The following C3orf20 variants were observed in gnomAD, a reference collection of about 807,000 sequenced individuals.
C3orf20 encodes the protein family with sequence similarity 149 member C, also known as uncharacterized protein C3orf20.
A neutral mutation model predicts 88.3 loss-of-function variants in C3orf20; 76 were observed. The observed-to-expected ratio is 0.86, with a 90% CI of 0.72 to 1.04. C3orf20 has a LOEUF of 1.04. C3orf20 is among the 50% of genes least tolerant of loss of function. C3orf20 has a pLI of 0.00. For missense variants in C3orf20, 1,056 were observed against 1,123.3 expected (o/e 0.94, Z 0.86); for synonymous variants, 436 against 437.4 (o/e 1.00, Z 0.04).
At chr3:14,715,618 T>G (rs564396989) in intron 9 of C3orf20, among the ~76,000 whole-genome samples, 3 of 152,386 alleles carry the variant, frequency 2.0e-5, no homozygotes, top group Admixed American at 2.0e-4. Flanking sequence ...TTCACCAGCC[T>G]AAACTATTGG....
chr3:14,759,810 C>G, intron 13 of C3orf20, 81 bp from the exon 14 acceptor site: 2 of 1,203,848 alleles, frequency 1.7e-6, no homozygotes, highest in Non-Finnish European at 2.4e-6. Context: ...CAGGGGGAAC[C>G]AGGCCTAGCC....
Position 14,772,255 on chromosome 3 carries a change from G to C in C3orf20, c.2630+54G>C. The C allele has an allele frequency of 1.2e-6, 2 of 1,611,790 alleles. No homozygotes were observed. The highest frequency in any genetic ancestry group is 1.7e-6 in the Non-Finnish European group (2 of 1,178,626). ...GGCGTGGCTCACAGCAGGCCACCTC[G>C]GGGCTATTTGGCCTTGGGCAAGTCA... On this transcript the variant is annotated intron_variant, in intron 16 of 16. Coordinates refer to ENST00000253697, the MANE Select transcript of C3orf20 (RefSeq NM_032137.5). The surrounding 1 kb of genome is among the most constrained non-coding windows in gnomAD (Gnocchi z 4.2).
At chr3:14,711,388 A>G (rs2033731541) in intron 7 of C3orf20, among the ~76,000 whole-genome samples, 2 of 152,024 alleles carry the variant, frequency 1.3e-5, no homozygotes, top group South Asian at 2.1e-4. Flanking sequence ...TTCTTAAGGC[A>G]TTCACCCTTT....
chr3:14,689,880 G>A (rs982124030), intron 4 of C3orf20, 117 bp from the exon 5 acceptor site: 10 of 1,337,464 alleles, frequency 7.5e-6, no homozygotes, highest in Admixed American at 3.8e-5. Context: ...TAACAATGCG[G>A]CACTTTACAG....
At chr3:14,700,221 C>T (rs1470710768) in intron 5 of C3orf20, among the ~76,000 whole-genome samples, 2 of 150,438 alleles carry the variant, frequency 1.3e-5, no homozygotes, top group Non-Finnish European at 3.0e-5. Context: ...TATGAGTGCT[C>T]ACCTGGTTTT....
At chr3:14,685,533 TCTA>T (rs1308813266) in intron 4 of C3orf20, among the ~76,000 whole-genome samples, 8 of 151,386 alleles carry the variant, frequency 5.3e-5, no homozygotes, top group Admixed American at 2.0e-4. Flanking sequence ...GAACACAAAA[TCTA>T]CTCCCCAAGC....
At chr3:14,678,671 T>G (rs1025356015) in intron 1 of C3orf20, among the ~76,000 whole-genome samples, 2 of 152,240 alleles carry the variant, frequency 1.3e-5, no homozygotes, top group African/African-American at 4.8e-5. Flanking sequence ...AAGCTTTGTT[T>G]ATAGCCATCT....
Position 14,684,235 on chromosome 3 carries a change from G to A in C3orf20, c.485-7G>A, listed in dbSNP as rs970430205. The A allele has an allele frequency of 1.2e-6, 2 of 1,613,740 alleles. No individual in the cohort carries two copies. Among genetic ancestry groups the A allele is most frequent in the Non-Finnish European group, 1.7e-6 (2 of 1,179,940 alleles). On this transcript the variant is annotated splice_region_variant and splice_polypyrimidine_tract_variant and intron_variant, in intron 3 of 16. Coordinates refer to ENST00000253697, the MANE Select transcript of C3orf20 (RefSeq NM_032137.5). ...GGGACACGTGTTGCTTTCTATCATT[G>A]CTTTAGTGGGTGCCAACCCCTTGGA...
At chr3:14,702,236 C>T (rs2033296750) in intron 5 of C3orf20, among the ~76,000 whole-genome samples, 1 of 152,048 alleles carries the variant, frequency 6.6e-6, no homozygotes, top group Non-Finnish European at 1.5e-5. Flanking sequence ...GCCTGATGAA[C>T]CCATCAGATC....
rs1381404767 is a variant in C3orf20 at position 14,694,082 on chromosome 3, T to G, written c.745+3966T>G. On this transcript the variant is annotated intron_variant, in intron 5 of 16. Transcript: ENST00000253697. ...AATGATCTTGATCTTTTTAATGTGTTGTTGAATTCAATTTGCTAGTATTGA... is the reference window on the plus strand; with the variant it reads ...AATGATCTTGATCTTTTTAATGTGTGGTTGAATTCAATTTGCTAGTATTGA... Among the ~76,000 whole-genome samples, 3 of 152,202 alleles carry G rather than the reference T, an allele frequency of 2.0e-5. No individual in the cohort carries two copies. In the East Asian group the frequency reaches 5.8e-4, roughly 29 times the overall value.
intron 8 of C3orf20, among the ~76,000 whole-genome samples, chr3:14,714,745 C>G (rs1021476942): frequency 6.6e-6 from 1 of 152,110 alleles, no homozygotes; most frequent in African/African-American, 2.4e-5. Flanking sequence ...GCTGGGACTA[C>G]AGACATGTGC....
intron 12 of C3orf20, among the ~76,000 whole-genome samples, chr3:14,747,166 T>C (rs2125016930): frequency 6.6e-6 from 1 of 152,352 alleles, no homozygotes; most frequent in South Asian, 2.1e-4. Context: ...TTCTGTCAAG[T>C]TACTCATAGC....
At chr3:14,744,739 C>G (rs753174939) in intron 12 of C3orf20, among the ~76,000 whole-genome samples, 1 of 152,100 alleles carries the variant, frequency 6.6e-6, no homozygotes, top group Non-Finnish European at 1.5e-5. Flanking sequence ...GAAGCAAAAG[C>G]AGAAACCCCT....
chr3:14,770,877 G>A (rs185187784), intron 15 of C3orf20, among the ~76,000 whole-genome samples: 1 of 152,328 alleles, frequency 6.6e-6, no homozygotes, highest in African/African-American at 2.4e-5. Flanking sequence ...TCCCAGGGCT[G>A]CTGTGAATCT....
intron 12 of C3orf20, among the ~76,000 whole-genome samples, chr3:14,738,296 C>A (rs372395821): frequency 1.0e-4 from 15 of 149,480 alleles, no homozygotes; most frequent in African/African-American, 3.5e-4. Flanking sequence ...ACCTCCTGAA[C>A]AGCTGGGATT....
intron 15 of C3orf20, among the ~76,000 whole-genome samples, chr3:14,770,778 A>T (rs2035839864): frequency 6.6e-6 from 1 of 152,166 alleles, no homozygotes; most frequent in South Asian, 2.1e-4. Context: ...CCATTGACTT[A>T]CTATGTGCCC....
intron 15 of C3orf20, among the ~76,000 whole-genome samples, chr3:14,770,435 A>T (rs1488542553): frequency 6.6e-6 from 1 of 152,190 alleles, no homozygotes; most frequent in Non-Finnish European, 1.5e-5. Flanking sequence ...CCTGGCCTTA[A>T]GCAAGTCACC....
In C3orf20 at chr3:14,728,431, G is replaced by T; in HGVS notation, c.1691-8G>T. The T allele has an allele frequency of 6.2e-7, 1 of 1,613,930 alleles. No individual in the cohort carries two copies. On this transcript the variant is annotated splice_polypyrimidine_tract_variant and splice_region_variant and intron_variant, in intron 11 of 16. Coordinates refer to ENST00000253697, the MANE Select transcript of C3orf20 (RefSeq NM_032137.5). ...AGGGAAAATGACAGCAGCATCTTCT[G>T]TTAACAGGTCTGTTTACCATTGAAT...
intron 1 of C3orf20, among the ~76,000 whole-genome samples, chr3:14,676,936 C>A (rs2031803435): frequency 6.6e-6 from 1 of 152,220 alleles, no homozygotes; most frequent in Admixed American, 6.5e-5. Context: ...TGCCAAGCAT[C>A]TGTCCAGAAT....
Sources: allele counts gnomAD v4.1 joint callset (sites outside exome capture counted in the v4.1 genomes callset), GRCh38; gene constraint gnomAD v4.1.1; non-coding constraint Gnocchi (gnomAD v3.1); transcripts MANE v1.5; gene names NCBI Gene and HGNC (gene_info 2026-07-23, HGNC 2026-07-21).